Variants in NKAIN3 observed in about 807,000 individuals in gnomAD.
NKAIN3 encodes sodium/potassium-transporting ATPase subunit beta-1-interacting protein 3.
A neutral mutation model predicts 30.2 loss-of-function variants in NKAIN3; 25 were observed. The observed-to-expected ratio is 0.83, with a 90% CI of 0.60 to 1.16. NKAIN3 has a LOEUF of 1.16. Among genes scored for constraint, NKAIN3 ranks in the 50% most tolerant of loss-of-function variants. NKAIN3 has a pLI of 0.00. For missense variants in NKAIN3, 225 were observed against 254.1 expected (o/e 0.89, Z 0.78); for synonymous variants, 91 against 89.6 (o/e 1.02, Z -0.09).
chr8:62,349,269 A>G (rs746925670), intron 1 of NKAIN3, among the ~76,000 whole-genome samples: 2 of 152,108 alleles, frequency 1.3e-5, no homozygotes, highest in Non-Finnish European at 2.9e-5. Context: ...TTTAATATTT[A>G]ATCCCTCTAG....
At chr8:62,734,349 T>C (rs1326991959) in intron 3 of NKAIN3, among the ~76,000 whole-genome samples, 2 of 152,244 alleles carry the variant, frequency 1.3e-5, no homozygotes, top group Non-Finnish European at 2.9e-5. Flanking sequence ...ATTCTTAAAT[T>C]GTGCTGTTTA....
intron 4 of NKAIN3, among the ~76,000 whole-genome samples, chr8:62,894,287 A>G: frequency 6.6e-6 from 1 of 152,192 alleles, no homozygotes; most frequent in Non-Finnish European, 1.5e-5. Context: ...AACTCATATA[A>G]TGAAGCTGGG....
At chr8:62,963,302 A>G (rs759149464) in intron 6 of NKAIN3, among the ~76,000 whole-genome samples, 22 of 151,348 alleles carry the variant, frequency 1.5e-4, no homozygotes, top group Non-Finnish European at 2.8e-4. Flanking sequence ...TTCTGCAAAA[A>G]CTCCCCACAG....
At chr8:62,383,620 G>C (rs1290385929) in intron 1 of NKAIN3, 1 of 429,940 alleles carries the variant, frequency 2.3e-6, no homozygotes, top group African/African-American at 2.1e-5. Flanking sequence ...TAAGCCAAGT[G>C]CTTTTCTAAA....
intron 1 of NKAIN3, among the ~76,000 whole-genome samples, chr8:62,303,278 C>T (rs545228003): frequency 8.0e-5 from 12 of 150,392 alleles, no homozygotes; most frequent in East Asian, 7.8e-4. Flanking sequence ...AGCAAATTTC[C>T]GCATTCTAAT....
At chr8:62,490,449 T>C (rs1563422693) in intron 1 of NKAIN3, among the ~76,000 whole-genome samples, 1 of 152,194 alleles carries the variant, frequency 6.6e-6, no homozygotes, top group Admixed American at 6.5e-5. Context: ...GCAATTTACA[T>C]GGCTACCTTC....
intron 1 of NKAIN3, among the ~76,000 whole-genome samples, chr8:62,419,018 A>G (rs1477930197): frequency 6.6e-6 from 1 of 152,136 alleles, no homozygotes; most frequent in Non-Finnish European, 1.5e-5. Context: ...GCATGACTCT[A>G]CAAGTGGGTC....
chr8:62,457,906 C>T (rs960002576), intron 1 of NKAIN3, among the ~76,000 whole-genome samples: 5 of 152,128 alleles, frequency 3.3e-5, no homozygotes, highest in African/African-American at 1.2e-4. Flanking sequence ...ATAAAACAGA[C>T]ATGTGGCCAA....
At chr8:62,930,080 A>G (rs1042673373) in intron 5 of NKAIN3, among the ~76,000 whole-genome samples, 1 of 152,208 alleles carries the variant, frequency 6.6e-6, no homozygotes, top group Non-Finnish European at 1.5e-5. Context: ...TAACCATTTT[A>G]ATATTTTTAA....
rs1326126132 is a variant in NKAIN3, at chr8:62,415,693, G to A, written c.55-163846G>A. On this transcript the variant is annotated intron_variant, in intron 1 of 6. Transcript: ENST00000623646. ...ATATAATCTACATTTATAAACTATA[G>A]AAACTACTTCTTCCTTTTGCAGGTA... 4.6e-5 allele frequency among the ~76,000 whole-genome samples: 7 copies of A among 151,194 alleles called. No homozygotes were observed. In the East Asian group the frequency reaches 1.2e-3, roughly 25 times the overall value.
intron 1 of NKAIN3, among the ~76,000 whole-genome samples, chr8:62,546,277 CT>C (rs1294242529): frequency 2.0e-5 from 3 of 152,106 alleles, no homozygotes; most frequent in Non-Finnish European, 4.4e-5. Flanking sequence ...CATTCATTTC[CT>C]AGGCATGATA....
chr8:62,446,942 A>AT (rs1397801193), intron 1 of NKAIN3, among the ~76,000 whole-genome samples: 3 of 152,086 alleles, frequency 2.0e-5, no homozygotes, highest in Non-Finnish European at 2.9e-5. Context: ...GCTTTCATGT[A>AT]TATCTATATA....
intron 1 of NKAIN3, among the ~76,000 whole-genome samples, chr8:62,317,760 A>G (rs971551910): frequency 4.0e-5 from 6 of 151,794 alleles, no homozygotes; most frequent in African/African-American, 1.2e-4. Flanking sequence ...GGCAATGTGG[A>G]CTCTTTTTTG....
chr8:62,567,253 T>C (rs1809784109), intron 1 of NKAIN3, among the ~76,000 whole-genome samples: 1 of 151,924 alleles, frequency 6.6e-6, no homozygotes, highest in African/African-American at 2.4e-5. Context: ...TTTTCTGGGG[T>C]TGGAAGAAGA....
intron 4 of NKAIN3, among the ~76,000 whole-genome samples, chr8:62,842,989 T>C (rs1819575712): frequency 6.6e-6 from 1 of 151,906 alleles, no homozygotes; most frequent in Non-Finnish European, 1.5e-5. Flanking sequence ...AAAGCACAAA[T>C]AGACAAATGG....
intron 5 of NKAIN3, among the ~76,000 whole-genome samples, chr8:62,940,444 A>C (rs1005296442): frequency 3.9e-5 from 6 of 152,182 alleles, no homozygotes; most frequent in Non-Finnish European, 7.4e-5. Flanking sequence ...TAAACATTCT[A>C]AGTAACAACT....
At chr8:62,434,502 A>C (rs1805109511) in intron 1 of NKAIN3, among the ~76,000 whole-genome samples, 1 of 152,154 alleles carries the variant, frequency 6.6e-6, no homozygotes, top group Non-Finnish European at 1.5e-5. Flanking sequence ...CGTTTATCTT[A>C]AGATAAATCA....
chr8:62,907,468 A>G (rs4237061), intron 4 of NKAIN3, among the ~76,000 whole-genome samples: 117,183 of 152,112 alleles, frequency 0.77, 45,959 homozygotes, highest in East Asian at 0.98. Context: ...TAATTGCTGG[A>G]ACAATGGGGA....
At chr8:62,841,435 A>G (rs528824769) in intron 4 of NKAIN3, among the ~76,000 whole-genome samples, 3 of 152,180 alleles carry the variant, frequency 2.0e-5, no homozygotes, top group African/African-American at 7.2e-5. Flanking sequence ...AAAACTGTGT[A>G]TCCTTTAAAC....
Sources: gnomAD v4.1 joint callset for allele counts (sites outside exome capture counted in the v4.1 genomes callset) on GRCh38, gnomAD v4.1.1 for gene constraint, MANE v1.5 for transcripts, NCBI Gene and HGNC (gene_info 2026-07-23, HGNC 2026-07-21) for gene names.